The following ZBTB11 variants were observed in gnomAD, a reference collection of about 807,000 sequenced individuals.
ZBTB11 encodes the protein zinc finger and BTB domain containing 11, also known as zinc finger and BTB domain-containing protein 11.
Under a neutral mutation model 113.1 loss-of-function variants are expected in ZBTB11, and 68 were observed. The observed-to-expected ratio is 0.60, with a 90% CI of 0.49 to 0.74. The LOEUF is 0.74. ZBTB11 is among the 30% of genes least tolerant of loss of function. The pLI, the probability that ZBTB11 is intolerant of heterozygous loss-of-function variation, is 0.00. For synonymous variants in ZBTB11, 518 were observed against 452.6 expected (o/e 1.14, Z -1.83); for missense variants, 1,104 against 1,279.4 (o/e 0.86, Z 2.09).
intron 6 of ZBTB11, among the ~76,000 whole-genome samples, chr3:101,657,733 C>T (rs1280853537): frequency 1.3e-5 from 2 of 151,890 alleles, no homozygotes; most frequent in Non-Finnish European, 2.9e-5. Context: ...GCCTATAATC[C>T]CAGCACTTTG....
At chr3:101,668,884 A>T (rs1466898731) in intron 3 of ZBTB11, among the ~76,000 whole-genome samples, 1 of 151,970 alleles carries the variant, frequency 6.6e-6, no homozygotes, top group Non-Finnish European at 1.5e-5. Flanking sequence ...AAGAGGGCAA[A>T]TTTTGTTTTT....
At chr3:101,665,861 A>G (rs1453208407) in intron 3 of ZBTB11, 53 bp from the exon 4 acceptor site, 2 of 1,466,072 alleles carry the variant, frequency 1.4e-6, no homozygotes, top group Middle Eastern at 1.9e-4. Context: ...CAATGAAACA[A>G]TACAGAATTA....
In ZBTB11 at chr3:101,651,553, A is replaced by G; in HGVS notation, c.2775T>C (p.Asp925=). The G allele has an allele frequency of 6.8e-6, 11 of 1,614,190 alleles. No homozygotes were observed. Among genetic ancestry groups the G allele is most frequent in the Non-Finnish European group, 9.3e-6 (11 of 1,180,040 alleles). The stretch of plus-strand genomic sequence containing the variant: ...TCATATGTTTACGGAGTGTTCGAGC[A>G]TCTATGTAGGCTTCGCTACATACAG... ...VCPVCSEAYI[D]ARTLRKHMTK... The change falls in exon 11 of 11, where the codon GAT becomes GAC. Residue 925 remains aspartate, a synonymous_variant. Coordinates refer to ENST00000312938, the MANE Select transcript of ZBTB11 (RefSeq NM_014415.4).
chr3:101,652,693 A>G, intron 9 of ZBTB11, 22 bp from the exon 10 acceptor site: 4 of 1,612,238 alleles, frequency 2.5e-6, no homozygotes, highest in Non-Finnish European at 3.4e-6. Context: ...GAAAAGACCC[A>G]ATTATTTTGT....
At chr3:101,654,661 A>G (rs1307141766) in intron 8 of ZBTB11, 43 bp downstream of exon 8, 1 of 1,508,708 alleles carries the variant, frequency 6.6e-7, no homozygotes, top group South Asian at 1.2e-5. Flanking sequence ...CTGAGTAAAA[A>G]CATAATTAAA....
intron 5 of ZBTB11, among the ~76,000 whole-genome samples, chr3:101,660,756 G>A (rs1201002730): frequency 1.3e-5 from 2 of 152,096 alleles, no homozygotes; most frequent in Non-Finnish European, 2.9e-5. Flanking sequence ...CCAATTTCAA[G>A]GCTTACATTT....
chr3:101,676,899 T>G lies in ZBTB11; in HGVS notation c.16A>C (p.Ser6Arg). ...AGGTAACGCAGGATGGCCCGGTAGC[T>G]TTCCTCGCTTGACATCGCGGACCGC... MSSEE[S>R]YRAILRYLTN... Residue 6 changes from serine to arginine, a missense_variant, in exon 1 of 11, where the codon AGC (serine) becomes CGC (arginine). Around this residue, in one of 5 missense-constraint regions of ZBTB11, gnomAD observed 245 missense variants for 272.5 expected, o/e 0.90. Transcript: ENST00000312938. 1.3e-6 allele frequency: 2 copies of G among 1,576,994 alleles called. No homozygotes were observed. Among genetic ancestry groups the G allele is most frequent in the Non-Finnish European group, 1.7e-6 (2 of 1,157,050 alleles).
At chr3:101,666,008 T>C (rs1282207735) in intron 3 of ZBTB11, among the ~76,000 whole-genome samples, 200 bp from the exon 4 acceptor site, 1 of 152,102 alleles carries the variant, frequency 6.6e-6, no homozygotes, top group Middle Eastern at 3.2e-3. Context: ...CAGTACCTAA[T>C]ATAGAAAATA....
chr3:101,671,940 G>A (rs1409552325), intron 2 of ZBTB11, 38 bp downstream of exon 2: 1 of 1,524,190 alleles, frequency 6.6e-7, no homozygotes, highest in African/African-American at 1.4e-5. Context: ...TAGTACACTA[G>A]TTACAAATCT....
intron 1 of ZBTB11, among the ~76,000 whole-genome samples, chr3:101,675,207 ATC>A (rs1314076807): frequency 1.5e-4 from 23 of 152,374 alleles, no homozygotes; most frequent in Admixed American, 6.5e-4. Flanking sequence ...GAAGTATTAA[ATC>A]TGAGACATTT....
At chr3:101,654,592 A>T in intron 8 of ZBTB11, 112 bp downstream of exon 8, 1 of 870,030 alleles carries the variant, frequency 1.1e-6, no homozygotes, top group Non-Finnish European at 1.8e-6. Flanking sequence ...AAAGGACATT[A>T]AAATCAAGAG....
At chr3:101,662,926 G>C (rs1356313949) in intron 5 of ZBTB11, among the ~76,000 whole-genome samples, 1 of 151,008 alleles carries the variant, frequency 6.6e-6, no homozygotes, top group Non-Finnish European at 1.5e-5. Context: ...ACCATGCCCA[G>C]ATAATTTTTG....
chr3:101,660,214 T>C (rs114676083), intron 5 of ZBTB11, among the ~76,000 whole-genome samples, 186 bp from the exon 6 acceptor site: 1 of 152,186 alleles, frequency 6.6e-6, no homozygotes, highest in Non-Finnish European at 1.5e-5. Context: ...CTGCAGAGGC[T>C]AAAGTCTAAC....
At chr3:101,667,321 T>G (rs1338816379) in intron 3 of ZBTB11, among the ~76,000 whole-genome samples, 1 of 152,214 alleles carries the variant, frequency 6.6e-6, no homozygotes, top group Non-Finnish European at 1.5e-5. Flanking sequence ...ATTACAGGTG[T>G]GAGCCACTAC....
At position 101,676,989 on chromosome 3, in the gene ZBTB11, AG is replaced by A; in HGVS notation, c.-76del. 6.9e-7 allele frequency: 1 copy of A among 1,459,222 alleles called. No individual in the cohort carries two copies. Among genetic ancestry groups the A allele is most frequent in the Non-Finnish European group, 9.1e-7 (1 of 1,098,732 alleles). 90.4% of individuals were successfully genotyped at this position (1,459,222 alleles called of 1,614,324 possible). On this transcript the variant is annotated 5_prime_UTR_variant, in exon 1 of 11. Transcript: ENST00000312938. ...CGGCCCGCTACCTACGGGCGGCTGC[AG>A]GAGGAGCGGCGGCACCGTAGGGAGA...
chr3:101,666,097 C>G (rs1936991852), intron 3 of ZBTB11, among the ~76,000 whole-genome samples: 1 of 152,004 alleles, frequency 6.6e-6, no homozygotes, highest in South Asian at 2.1e-4. Context: ...GGGGATTCCT[C>G]AAATTCCCCT....
In ZBTB11 at chr3:101,650,369, C is replaced by G. The variant is rs928063244; in HGVS notation, c.*797G>C. 1 of 152,456 alleles carries G rather than the reference C, an allele frequency of 6.6e-6. No homozygotes were observed. Among genetic ancestry groups the G allele is most frequent in the Non-Finnish European group, 1.5e-5 (1 of 67,984 alleles). 9.4% of individuals were successfully genotyped at this position (152,456 alleles called of 1,614,324 possible). ...TTTTCCATTAATTGTCCTATGTTAT[C>G]AAGGAGAATTTTCCTGTCAACAGTG... On this transcript the variant is annotated 3_prime_UTR_variant, in exon 11 of 11. Transcript: ENST00000312938.
In ZBTB11 at chr3:101,671,245, T is replaced by C. The variant is rs749288844; in HGVS notation, c.663A>G (p.Glu221=). 1.9e-6 allele frequency: 3 copies of C among 1,614,064 alleles called. No individual in the cohort carries two copies. Among genetic ancestry groups the C allele is most frequent in the Admixed American group, 3.3e-5 (2 of 60,010 alleles). The change falls in exon 3 of 11, where the codon GAA becomes GAG. Residue 221 remains glutamate (E), a synonymous_variant. Transcript: ENST00000312938. ...NQFCDVTLLI[E]GEEYKAHKSV... is the part of the protein sequence containing the mutation. ...ATTTATGAGCTTTGTACTCTTCTCC[T>C]TCAATTAACAAAGTAACATCACAGA...
intron 3 of ZBTB11, among the ~76,000 whole-genome samples, chr3:101,670,443 CTATT>C (rs1937070430): frequency 6.6e-6 from 1 of 152,078 alleles, no homozygotes; most frequent in Non-Finnish European, 1.5e-5. Context: ...GAAAGTTGAA[CTATT>C]TATTTACAAT....
Sources: gnomAD v4.1 joint callset for allele counts (sites outside exome capture counted in the v4.1 genomes callset) on GRCh38, gnomAD v4.1.1 for gene constraint, gnomAD v4.1.1 regional missense constraint, MANE v1.5 for transcripts, NCBI Gene and HGNC (gene_info 2026-07-23, HGNC 2026-07-21) for gene names.